Variants in GRIA3 observed in about 807,000 individuals in gnomAD.
GRIA3 encodes glutamate receptor 3.
In GRIA3, 3 loss-of-function variants were observed where a neutral mutation model predicts 63.0. The observed-to-expected ratio is 0.05, with a 90% CI of 0.02 to 0.12. GRIA3 has a LOEUF of 0.12. GRIA3 is among the 10% of genes least tolerant of loss of function. The pLI is 1.00. For missense variants in GRIA3, 347 were observed against 700.9 expected (o/e 0.50, Z 5.70); for synonymous variants, 274 against 257.9 (o/e 1.06, Z -0.60).
At chrX:123,364,870 GAC>G (rs1396744840) in intron 5 of GRIA3, among the ~76,000 whole-genome samples, 1 of 112,545 alleles carries the variant, frequency 8.9e-6, no homozygotes, top group African/African-American at 3.2e-5. Context: ...GGCACAAAAA[GAC>G]AAATACCACG....
At chrX:123,403,215 G>A (rs1929228212) in intron 8 of GRIA3, 117 bp downstream of exon 8, 6 of 588,282 alleles carry the variant, frequency 1.0e-5, no homozygotes, top group Non-Finnish European at 1.8e-5. Flanking sequence ...GTGGGAGATG[G>A]GAACCTCCAG....
chrX:123,312,722 G>T (rs778925716), intron 3 of GRIA3, among the ~76,000 whole-genome samples: 1 of 112,325 alleles, frequency 8.9e-6, no homozygotes, highest in Non-Finnish European at 1.9e-5. Context: ...TAGGCAAAGT[G>T]CAAGGGATAT....
intron 5 of GRIA3, among the ~76,000 whole-genome samples, chrX:123,370,091 T>C (rs1171025323): frequency 1.8e-5 from 2 of 111,868 alleles, no homozygotes; most frequent in Non-Finnish European, 1.9e-5. Flanking sequence ...AATTCGCAAG[T>C]GGTCAGCTAA....
chrX:123,234,887 T>G (rs781071909), intron 2 of GRIA3, among the ~76,000 whole-genome samples: 3 of 111,575 alleles, frequency 2.7e-5, no homozygotes, highest in Non-Finnish European at 5.7e-5. Flanking sequence ...ATAGCACATA[T>G]GCATTGAGGG....
intron 13 of GRIA3, among the ~76,000 whole-genome samples, chrX:123,476,828 G>T (rs1387337017): frequency 9.0e-6 from 1 of 111,426 alleles, no homozygotes; most frequent in Admixed American, 9.5e-5. Context: ...CTCAAAGGCA[G>T]CATTTGTTGC....
At chrX:123,384,557 G>A (rs192962797) in intron 5 of GRIA3, among the ~76,000 whole-genome samples, 5 of 111,862 alleles carry the variant, frequency 4.5e-5, no homozygotes, top group African/African-American at 1.3e-4. Context: ...CCCGGGCAGC[G>A]GAGGTTGCAG....
intron 2 of GRIA3, among the ~76,000 whole-genome samples, chrX:123,246,023 T>A (rs2044357334): frequency 9.0e-6 from 1 of 111,134 alleles, no homozygotes; most frequent in Admixed American, 9.6e-5. Context: ...AGGGAAGTAG[T>A]GAGTTCCCTT....
intron 13 of GRIA3, among the ~76,000 whole-genome samples, chrX:123,471,035 A>C: frequency 8.9e-6 from 1 of 111,964 alleles, no homozygotes; most frequent in East Asian, 2.8e-4. Context: ...TTTGGGATCG[A>C]GGAGTAGGGT....
chrX:123,325,486 C>A lies in GRIA3; in HGVS notation c.509-540C>A, dbSNP rs193158916. 6.3e-5 allele frequency among the ~76,000 whole-genome samples: 7 copies of A among 111,729 alleles called. No homozygotes were observed. The East Asian group carries it at 2.0e-3, about 31-fold the overall frequency. The stretch of plus-strand genomic sequence containing the variant: ...TAATAATGTGGTGATCAAGAGCTCA[C>A]GAGTATGATATCTTTGTTATAGATT... On this transcript the variant is annotated intron_variant, in intron 3 of 15. Coordinates refer to ENST00000620443, the MANE Select transcript of GRIA3 (RefSeq NM_007325.5).
chrX:123,188,338 C>T (rs923836387), intron 2 of GRIA3, among the ~76,000 whole-genome samples: 1 of 111,161 alleles, frequency 9.0e-6, no homozygotes, highest in Non-Finnish European at 1.9e-5. Context: ...ACTCGTCTAA[C>T]CATAGTCTTG....
chrX:123,196,498 T>G (rs1415333905), intron 2 of GRIA3, among the ~76,000 whole-genome samples: 2 of 112,041 alleles, frequency 1.8e-5, no homozygotes, highest in Non-Finnish European at 3.8e-5. Context: ...CCTTTGCTTC[T>G]AGGTGCTACA....
At chrX:123,264,372 A>G (rs1252957967) in intron 3 of GRIA3, among the ~76,000 whole-genome samples, 3 of 111,908 alleles carry the variant, frequency 2.7e-5, no homozygotes, top group Non-Finnish European at 3.8e-5. Flanking sequence ...AGCGTTCAGC[A>G]TAAACTGAAC....
rs927418942 is a variant in GRIA3, at chrX:123,385,601, T to C, written c.751-9367T>C. ...GGGCATTATGGCCATTTTAATGATA[T>C]AGATTCTTCCTAACCATGAGCATGG... On this transcript the variant is annotated intron_variant, in intron 5 of 15. Coordinates refer to ENST00000620443, the MANE Select transcript of GRIA3 (RefSeq NM_007325.5). 6.2e-5 allele frequency among the ~76,000 whole-genome samples: 7 copies of C among 112,629 alleles called. No homozygotes were observed. The Admixed American group carries it at 6.6e-4, about 11-fold the overall frequency.
In GRIA3 at chrX:123,241,838, CA is replaced by C. The variant is rs1360738331; in HGVS notation, c.269-11455del. On this transcript the variant is annotated intron_variant, in intron 2 of 15. Transcript: ENST00000620443. ...GTAGATTGTTTCTGCATACTTCAGA[CA>C]AAAAAAAAATAATCCTCAGGTGGTG... Among the ~76,000 whole-genome samples, 517 of 103,924 alleles carry C rather than the reference CA, an allele frequency of 5.0e-3. 3 individuals carry two copies. The highest frequency in any genetic ancestry group is 0.016 in the African/African-American group (468 of 28,727). 90.2% of individuals were successfully genotyped at this position (103,924 alleles called of 115,157 possible). A position where few individuals can be genotyped will look rare whatever the true frequency, so the allele number is the denominator to read the frequency against.
intron 5 of GRIA3, among the ~76,000 whole-genome samples, chrX:123,390,695 G>A (rs2045381893): frequency 8.9e-6 from 1 of 112,069 alleles, no homozygotes; most frequent in South Asian, 3.6e-4. Flanking sequence ...CATCTGGAAA[G>A]TTTTCAGCTA....
intron 5 of GRIA3, among the ~76,000 whole-genome samples, chrX:123,377,140 G>A (rs2045291539): frequency 9.1e-6 from 1 of 110,053 alleles, no homozygotes; most frequent in African/African-American, 3.3e-5. Context: ...GTTTCACCGT[G>A]TTAGCCAGGA....
At chrX:123,348,344 T>C (rs765837264) in intron 4 of GRIA3, among the ~76,000 whole-genome samples, 4 of 112,177 alleles carry the variant, frequency 3.6e-5, no homozygotes, top group Non-Finnish European at 5.6e-5. Context: ...ATTTACTCTC[T>C]AAAATAAATT....
At chrX:123,371,726 T>C (rs151004707) in intron 5 of GRIA3, among the ~76,000 whole-genome samples, 15 of 111,775 alleles carry the variant, frequency 1.3e-4, no homozygotes, top group South Asian at 3.8e-4. Flanking sequence ...ATTTAAGGAA[T>C]TGGATTAGAT....
intron 12 of GRIA3, among the ~76,000 whole-genome samples, chrX:123,430,191 T>C (rs1391369759): frequency 8.9e-6 from 1 of 112,385 alleles, no homozygotes. Context: ...GGTTTGTGGT[T>C]TCTAATGCTC....
Sources: allele counts gnomAD v4.1 joint callset (sites outside exome capture counted in the v4.1 genomes callset), GRCh38; gene constraint gnomAD v4.1.1; transcripts MANE v1.5; gene names NCBI Gene and HGNC (gene_info 2026-07-23, HGNC 2026-07-21).